Variants in RELN observed in about 807,000 individuals in gnomAD.
The protein encoded by RELN is reelin.
Under a neutral mutation model 427.6 loss-of-function variants are expected in RELN, and 108 were observed. That is an observed-to-expected ratio of 0.25 (90% CI 0.22 to 0.30). RELN has a LOEUF of 0.30. Ranked by LOEUF, RELN falls within the 10% of genes least tolerant of loss-of-function variation. The pLI, the probability that RELN is intolerant of heterozygous loss-of-function variation, is 1.00. For missense variants in RELN, 3,715 were observed against 4,302.8 expected, an observed-to-expected ratio of 0.86 and a Z score of 3.82; for synonymous variants, 1,524 against 1,513.4, an observed-to-expected ratio of 1.01 and a Z score of -0.16.
chr7:103,972,957 CA>C (rs1450818461), intron 1 of RELN, among the ~76,000 whole-genome samples: 2 of 148,230 alleles, frequency 1.3e-5, no homozygotes, highest in Admixed American at 1.3e-4. Context: ...TGATTGACAC[CA>C]AAAAAGAGGT....
chr7:103,912,493 T>A (rs747118860), intron 2 of RELN, among the ~76,000 whole-genome samples: 9 of 152,034 alleles, frequency 5.9e-5, no homozygotes, highest in Non-Finnish European at 8.8e-5. Flanking sequence ...CTTTTAAGCA[T>A]TTTTTAACTT....
At chr7:103,783,876 G>T (rs551291278) in intron 3 of RELN, among the ~76,000 whole-genome samples, 1 of 152,148 alleles carries the variant, frequency 6.6e-6, no homozygotes, top group East Asian at 1.9e-4. Flanking sequence ...AGTATGAACT[G>T]TTTTACTTAA....
At chr7:103,487,496 A>T (rs1369718392) in intron 60 of RELN, among the ~76,000 whole-genome samples, 1 of 150,742 alleles carries the variant, frequency 6.6e-6, no homozygotes, top group African/African-American at 2.4e-5. Context: ...GTAGATACAG[A>T]TTCCCAAAGT....
At chr7:103,654,409 T>G (rs961795911) in intron 12 of RELN, among the ~76,000 whole-genome samples, 24 of 152,238 alleles carry the variant, frequency 1.6e-4, no homozygotes, top group African/African-American at 5.5e-4. Flanking sequence ...GACTTGACAT[T>G]TGTGAAGGCC....
intron 46 of RELN, among the ~76,000 whole-genome samples, chr7:103,529,770 T>A (rs1181954807): frequency 6.6e-6 from 1 of 152,204 alleles, no homozygotes; most frequent in East Asian, 1.9e-4. Context: ...TGTATTTATT[T>A]CCAGTATCTT....
chr7:103,733,225 C>G (rs1344158711), intron 6 of RELN, among the ~76,000 whole-genome samples: 1 of 151,796 alleles, frequency 6.6e-6, no homozygotes, highest in Admixed American at 6.6e-5. Context: ...AAATGCAAAT[C>G]AAAACCACAA....
At chr7:103,895,956 G>A (rs1034537400) in intron 2 of RELN, among the ~76,000 whole-genome samples, 3 of 152,036 alleles carry the variant, frequency 2.0e-5, no homozygotes, top group Admixed American at 1.3e-4. Context: ...ATAGAGGACT[G>A]ATACACAGGA....
rs547409708 is a variant in RELN at position 103,590,421 on chromosome 7, C to T, written c.3913-593G>A. ...TACTAAAAATACAAAAATTAGCCAG[C>T]GTGGTGGCGGGCACCTGTAATCCCA... is the stretch of plus-strand genomic sequence containing the variant. On this transcript the variant is annotated intron_variant, in intron 27 of 64. Transcript: ENST00000428762. Among the ~76,000 whole-genome samples the T allele has an allele frequency of 2.0e-4, 31 of 151,988 alleles. No individual in the cohort carries two copies. In the South Asian group the frequency reaches 4.2e-3, roughly 20 times the overall value.
At position 103,496,725 on chromosome 7, in the gene RELN, G is replaced by A; in HGVS notation, c.8994C>T (p.Tyr2998=). Residue 2998 remains tyrosine (Y), a synonymous_variant, in exon 56 of 65, where the codon TAC becomes TAT. Transcript: ENST00000428762. The stretch of plus-strand genomic sequence containing the variant: ...GTATGTAGTCGTGTCTAACAGAAAT[G>A]TATTTCTGGTAATCCATCTCATGGA... ...TLLHEMDYQK[Y]ISVRHDYILL... 1.2e-6 allele frequency: 2 copies of A among 1,613,564 alleles called. No homozygotes were observed. Among genetic ancestry groups the A allele is most frequent in the Non-Finnish European group, 1.7e-6 (2 of 1,179,462 alleles).
intron 11 of RELN, among the ~76,000 whole-genome samples, chr7:103,665,568 T>C (rs1161357469): frequency 6.6e-6 from 1 of 152,176 alleles, no homozygotes. Flanking sequence ...CCGATGTCTC[T>C]TTAGTTACTG....
chr7:103,489,203 G>GGT (rs3051647), intron 60 of RELN, among the ~76,000 whole-genome samples: 7,220 of 147,772 alleles, frequency 0.049, 241 homozygotes, highest in African/African-American at 0.1. Flanking sequence ...GTCATAAAGG[G>GGT]GTGTGTGTGT....
chr7:103,728,264 C>T (rs1391590244), intron 6 of RELN, 57 bp from the exon 7 acceptor site: 1 of 1,475,278 alleles, frequency 6.8e-7, no homozygotes, highest in Admixed American at 1.7e-5. Flanking sequence ...ACGTGGTTTA[C>T]TGCTCAGGTA....
chr7:103,749,695 C>T (rs975467719), intron 5 of RELN, among the ~76,000 whole-genome samples, 191 bp from the exon 6 acceptor site: 1 of 152,154 alleles, frequency 6.6e-6, no homozygotes, highest in African/African-American at 2.4e-5. Context: ...GCGGTTTAAA[C>T]ACCTAGAAGT....
chr7:103,715,806 TCCCAAG>T (rs1333503932), intron 8 of RELN, among the ~76,000 whole-genome samples: 1 of 152,198 alleles, frequency 6.6e-6, no homozygotes. Context: ...GCAGGTTTTC[TCCCAAG>T]CCCACAGTAG....
At chr7:103,775,511 C>A (rs1791715814) in intron 4 of RELN, among the ~76,000 whole-genome samples, 1 of 152,096 alleles carries the variant, frequency 6.6e-6, no homozygotes, top group South Asian at 2.1e-4. Flanking sequence ...AATTTTTCCT[C>A]ATTTCTCTTG....
At chr7:103,594,268 C>T in intron 26 of RELN, 53 bp downstream of exon 26, 5 of 1,503,694 alleles carry the variant, frequency 3.3e-6, no homozygotes, top group African/African-American at 1.4e-5. Flanking sequence ...GTTCTTTATG[C>T]CATTCACTTT....
intron 60 of RELN, among the ~76,000 whole-genome samples, chr7:103,487,830 A>C (rs1828498870): frequency 6.6e-6 from 1 of 152,192 alleles, no homozygotes. Context: ...CACCTAAAAC[A>C]ATATTTAGCA....
chr7:103,530,482 G>T (rs1363358841), intron 46 of RELN, among the ~76,000 whole-genome samples: 3 of 152,142 alleles, frequency 2.0e-5, no homozygotes, highest in African/African-American at 7.2e-5. Context: ...TCTGTCTGTT[G>T]TCCTGATTTT....
chr7:103,605,059 AC>A (rs1351109921), intron 22 of RELN, among the ~76,000 whole-genome samples: 7 of 152,164 alleles, frequency 4.6e-5, no homozygotes, highest in Admixed American at 6.5e-5. Context: ...TGAACTCCTG[AC>A]CTCAGATAAT....
Sources: gnomAD v4.1 joint callset for allele counts (sites outside exome capture counted in the v4.1 genomes callset) on GRCh38, gnomAD v4.1.1 for gene constraint, MANE v1.5 for transcripts, NCBI Gene and HGNC (gene_info 2026-07-23, HGNC 2026-07-21) for gene names.